The following INHBC variants were observed in gnomAD, a reference collection of about 807,000 sequenced individuals.
The protein encoded by INHBC is inhibin subunit beta C.
A neutral mutation model predicts 12.4 loss-of-function variants in INHBC; 10 were observed. That is an observed-to-expected ratio of 0.81 (90% CI 0.50 to 1.37). The LOEUF (loss-of-function observed/expected upper bound fraction) is 1.37, where lower values mean the gene tolerates loss of function less well. INHBC is among the 40% of genes most tolerant of loss of function. INHBC has a pLI of 0.00. For synonymous variants in INHBC, 147 were observed against 171.6 expected, an observed-to-expected ratio of 0.86 and a Z score of 1.12; for missense variants, 382 against 439.4, an observed-to-expected ratio of 0.87 and a Z score of 1.17.
chr12:57,444,222 A>G (rs1870528490), intron 1 of INHBC, among the ~76,000 whole-genome samples: 2 of 152,174 alleles, frequency 1.3e-5, no homozygotes, highest in Non-Finnish European at 2.9e-5. Context: ...GAGGGGTAGG[A>G]GAAATACGTA....
intron 1 of INHBC, among the ~76,000 whole-genome samples, chr12:57,444,895 C>A (rs746009612): frequency 6.6e-6 from 1 of 152,164 alleles, no homozygotes; most frequent in East Asian, 1.9e-4. Flanking sequence ...GTTGCCCAGT[C>A]GGTCTCAAAC....
rs1870670682 is a variant in INHBC at position 57,449,821 on chromosome 12, C to T, written c.858C>T (p.Gly286=). ...CIGQCPLHIA[G]MPGIAASFHT... The stretch of plus-strand genomic sequence containing the variant: ...GGCAGTGCCCACTACACATAGCAGG[C>T]ATGCCTGGTATTGCTGCCTCCTTTC... The change falls in exon 2 of 2, where the codon GGC becomes GGT. Residue 286 remains glycine (G), a synonymous_variant. Coordinates refer to ENST00000309668, the MANE Select transcript of INHBC (RefSeq NM_005538.4). 2 of 1,613,122 alleles carry T rather than the reference C, an allele frequency of 1.2e-6. No homozygotes were observed. Among genetic ancestry groups the T allele is most frequent in the African/African-American group, 2.7e-5 (2 of 74,936 alleles).
intron 1 of INHBC, among the ~76,000 whole-genome samples, chr12:57,440,436 G>A (rs1446179287): frequency 2.7e-5 from 4 of 150,222 alleles, no homozygotes; most frequent in East Asian, 4.0e-4. Context: ...GGGTTCAAGC[G>A]ATTCTTTTGC....
chr12:57,445,354 C>T (rs938850892), intron 1 of INHBC, among the ~76,000 whole-genome samples: 3 of 152,078 alleles, frequency 2.0e-5, no homozygotes, highest in Middle Eastern at 3.2e-3. Context: ...GAGTGAATCA[C>T]TTGAGTGAAC....
At position 57,451,145 on chromosome 12, in the gene INHBC, C is replaced by T. The variant is rs577208424; in HGVS notation, c.*1123C>T. ...TATGCCTCTTCTTTCTTAGGCACCC[C>T]GTCCCTCCATCCTTCCAGAACCATC... On this transcript the variant is annotated 3_prime_UTR_variant, in exon 2 of 2. Coordinates refer to ENST00000309668, the MANE Select transcript of INHBC (RefSeq NM_005538.4). 4.6e-5 allele frequency among the ~76,000 whole-genome samples: 7 copies of T among 152,184 alleles called. No individual in the cohort carries two copies. The highest frequency in any genetic ancestry group is 8.8e-5 in the Non-Finnish European group (6 of 68,038).
At chr12:57,449,180 A>C in intron 1 of INHBC, 97 bp from the exon 2 acceptor site, 3 of 1,423,912 alleles carry the variant, frequency 2.1e-6, no homozygotes, top group Non-Finnish European at 2.8e-6. Context: ...GCAAATGCCA[A>C]GTGCTATAGA....
intron 1 of INHBC, among the ~76,000 whole-genome samples, chr12:57,440,357 G>A (rs1465233693): frequency 2.5e-5 from 3 of 118,566 alleles, no homozygotes; most frequent in Non-Finnish European, 3.4e-5. Context: ...TTTTTGAGAC[G>A]GAGTCTTGCT....
rs745959996 is a variant in INHBC at position 57,434,954 on chromosome 12, G to T, written c.68G>T (p.Gly23Val). 1 of 1,614,188 alleles carries T rather than the reference G, an allele frequency of 6.2e-7. No individual in the cohort carries two copies. Among genetic ancestry groups the T allele is most frequent in the South Asian group, 1.1e-5 (1 of 91,086 alleles). Reference sequence around the variant, plus strand: ...ACCACAGTGGCCACTCCCAGAGCTGGCGGTCAGTGTCCAGCATGTGGGGGG... The same window carrying T: ...ACCACAGTGGCCACTCCCAGAGCTGTCGGTCAGTGTCCAGCATGTGGGGGG... ...APTTVATPRAGGQCPACGGPT... is the reference protein window; with the variant it reads ...APTTVATPRAVGQCPACGGPT... Residue 23 changes from glycine to valine, a missense_variant, in exon 1 of 2, where the codon GGC (glycine) becomes GTC (valine). Gly to Val is a moderately radical substitution (Grantham distance 109). Coordinates refer to ENST00000309668, the MANE Select transcript of INHBC (RefSeq NM_005538.4).
chr12:57,439,538 C>G (rs1035695414), intron 1 of INHBC, among the ~76,000 whole-genome samples: 13 of 152,122 alleles, frequency 8.5e-5, no homozygotes, highest in Non-Finnish European at 1.8e-4. Context: ...AGTTGGGGGC[C>G]CAGAGACCCC....
At position 57,449,318 on chromosome 12, in the gene INHBC, T is replaced by C. The variant is rs759505585; in HGVS notation, c.355T>C (p.Ser119Pro). 1 of 1,614,150 alleles carries C rather than the reference T, an allele frequency of 6.2e-7. No individual in the cohort carries two copies. The highest frequency in any genetic ancestry group is 8.5e-7 in the Non-Finnish European group (1 of 1,180,000). The stretch of plus-strand genomic sequence containing the variant: ...CCAGACTCGTCTTGATTTTCACTTC[T>C]CCTCTGATAGAACTGCTGGTGACAG... ...INQTRLDFHF[S>P]SDRTAGDREV... Residue 119 changes from serine (S) to proline (P), a missense_variant, in exon 2 of 2, where the codon TCC (serine) becomes CCC (proline). Physicochemically the swap from Ser to Pro is moderately conservative, Grantham distance 74 (BLOSUM62 -1). Coordinates refer to ENST00000309668, the MANE Select transcript of INHBC (RefSeq NM_005538.4).
chr12:57,440,248 A>G (rs1566549805), intron 1 of INHBC, among the ~76,000 whole-genome samples: 1 of 152,058 alleles, frequency 6.6e-6, no homozygotes, highest in African/African-American at 2.4e-5. Context: ...AATTAGCAAC[A>G]TAGAGTAAGC....
intron 1 of INHBC, among the ~76,000 whole-genome samples, chr12:57,447,910 T>A (rs1322009503): frequency 4.4e-4 from 43 of 97,082 alleles, no homozygotes; most frequent in Non-Finnish European, 7.2e-4. Context: ...TATATATATA[T>A]ATATATATAT....
At chr12:57,442,948 G>A (rs1444787316) in intron 1 of INHBC, among the ~76,000 whole-genome samples, 3 of 146,964 alleles carry the variant, frequency 2.0e-5, no homozygotes, top group Middle Eastern at 3.7e-3. Flanking sequence ...CCGAGATTGC[G>A]CCACTGCGCT....
chr12:57,438,435 TG>T, intron 1 of INHBC, among the ~76,000 whole-genome samples: 1 of 152,182 alleles, frequency 6.6e-6, no homozygotes, highest in Non-Finnish European at 1.5e-5. Context: ...TACCATCACA[TG>T]GGGGTTATGA....
In INHBC at chr12:57,434,990, A is replaced by G. The variant is rs563505081; in HGVS notation, c.104A>G (p.Glu35Gly). ...QCPACGGPTL[E>G]LESQRELLLD... ...CCAGCATGTGGGGGGCCCACCTTGG[A>G]ACTGGAGAGCCAGCGGGAGCTGCTT... is the stretch of plus-strand genomic sequence containing the variant. Residue 35 changes from glutamate to glycine, a missense_variant, in exon 1 of 2, where the codon GAA (glutamate) becomes GGA (glycine). By Grantham distance (98) the Glu-to-Gly change is moderately conservative. Transcript: ENST00000309668. 22 of 1,614,198 alleles carry G rather than the reference A, an allele frequency of 1.4e-5. No individual in the cohort carries two copies. In the East Asian group the frequency reaches 4.5e-4, roughly 33 times the overall value.
Position 57,451,889 on chromosome 12 carries a change from G to A in INHBC, c.*1867G>A, listed in dbSNP as rs1342298461. The A allele has an allele frequency of 2.2e-6, 1 of 454,418 alleles. No individual in the cohort carries two copies. The highest frequency in any genetic ancestry group is 4.4e-6 in the Non-Finnish European group (1 of 226,326). The allele number at this position is 454,418 out of a possible 1,614,324, so 28.1% of individuals were successfully genotyped here. A position where few individuals can be genotyped will look rare whatever the true frequency, so the allele number is the denominator to read the frequency against. ...CAGCTTAGTCTCCAGGGCTAGGACT[G>A]GGGTAAAGCAAAGTGAGTCATTCAC... is the stretch of plus-strand genomic sequence containing the variant. On this transcript the variant is annotated 3_prime_UTR_variant, in exon 2 of 2. Transcript: ENST00000309668.
chr12:57,450,202 A>C lies in INHBC; in HGVS notation c.*180A>C. On this transcript the variant is annotated 3_prime_UTR_variant, in exon 2 of 2. Transcript: ENST00000309668. Reference sequence around the variant, plus strand: ...AAGAAACCTTCATCTAAAGCAAGTCACTGTGCCATCTTCCTGACCACTACC... The same window carrying C: ...AAGAAACCTTCATCTAAAGCAAGTCCCTGTGCCATCTTCCTGACCACTACC... 1.7e-6 allele frequency: 1 copy of C among 580,622 alleles called. No homozygotes were observed. Among genetic ancestry groups the C allele is most frequent in the Non-Finnish European group, 2.8e-6 (1 of 363,518 alleles). The allele number at this position is 580,622 out of a possible 1,614,324, so 36.0% of individuals were successfully genotyped here. A position where few individuals can be genotyped will look rare whatever the true frequency, so the allele number is the denominator to read the frequency against.
rs115654579 is a variant in INHBC, at chr12:57,451,146, G to A, written c.*1124G>A. Among the ~76,000 whole-genome samples, 3,408 of 152,190 alleles carry A rather than the reference G, an allele frequency of 0.022. 134 individuals carry two copies. The highest frequency in any genetic ancestry group is 0.078 in the African/African-American group (3,225 of 41,498). ...ATGCCTCTTCTTTCTTAGGCACCCC[G>A]TCCCTCCATCCTTCCAGAACCATCT... On this transcript the variant is annotated 3_prime_UTR_variant, in exon 2 of 2. Transcript: ENST00000309668.
intron 1 of INHBC, among the ~76,000 whole-genome samples, chr12:57,438,527 CT>C (rs960093037): frequency 6.6e-6 from 1 of 152,204 alleles, no homozygotes; most frequent in African/African-American, 2.4e-5. Flanking sequence ...TCCCAAGTTT[CT>C]TTAGAGAATG....
Sources: allele counts gnomAD v4.1 joint callset (sites outside exome capture counted in the v4.1 genomes callset), GRCh38; gene constraint gnomAD v4.1.1; transcripts MANE v1.5; gene names NCBI Gene and HGNC (gene_info 2026-07-23, HGNC 2026-07-21).